PTPN12: variants seen among roughly 807,000 people sequenced by gnomAD.
The protein encoded by PTPN12 is protein tyrosine phosphatase non-receptor type 12, also known as tyrosine-protein phosphatase non-receptor type 12.
PTPN12 carries 29 observed loss-of-function variants against 97.6 expected under a neutral mutation model. That is an observed-to-expected ratio of 0.30 (90% CI 0.22 to 0.41). PTPN12 has a LOEUF of 0.41. Among genes scored for constraint, PTPN12 ranks in the 10% least tolerant of loss-of-function variants. The pLI, the probability that PTPN12 is intolerant of heterozygous loss-of-function variation, is 1.00. For synonymous variants in PTPN12, 327 were observed against 300.4 expected, an observed-to-expected ratio of 1.09 and a Z score of -0.91; for missense variants, 819 against 926.0, an observed-to-expected ratio of 0.88 and a Z score of 1.50.
At chr7:77,582,158 T>C (rs911450982) in intron 3 of PTPN12, among the ~76,000 whole-genome samples, 2 of 136,704 alleles carry the variant, frequency 1.5e-5, no homozygotes, top group Non-Finnish European at 3.1e-5. Flanking sequence ...GCAGTGGCGC[T>C]ATCTCGGCTC....
intron 13 of PTPN12, among the ~76,000 whole-genome samples, chr7:77,629,497 A>G (rs944082404): frequency 4.6e-5 from 7 of 152,046 alleles, no homozygotes; most frequent in African/African-American, 1.7e-4. Flanking sequence ...TATATCAAGC[A>G]TGTGGTATTG....
intron 1 of PTPN12, among the ~76,000 whole-genome samples, chr7:77,541,015 G>T (rs116022956): frequency 1.3e-5 from 2 of 152,060 alleles, no homozygotes; most frequent in Non-Finnish European, 2.9e-5. Flanking sequence ...TGCTCTTTTC[G>T]CTCTATCCAG....
intron 1 of PTPN12, among the ~76,000 whole-genome samples, chr7:77,561,232 G>T (rs560146809): frequency 3.2e-4 from 48 of 152,192 alleles, no homozygotes; most frequent in African/African-American, 1.1e-3. Context: ...GCCTATTTTG[G>T]TTTTTTGATA....
At chr7:77,621,065 T>C in intron 12 of PTPN12, among the ~76,000 whole-genome samples, 1 of 151,902 alleles carries the variant, frequency 6.6e-6, no homozygotes. Context: ...TATATATATA[T>C]ATATAAAAAT....
intron 14 of PTPN12, among the ~76,000 whole-genome samples, chr7:77,632,935 C>T (rs1012853707): frequency 6.6e-6 from 1 of 151,904 alleles, no homozygotes; most frequent in African/African-American, 2.4e-5. Context: ...CCAGCCTGGG[C>T]GAAGAGCAAG....
chr7:77,541,212 C>G (rs895361794), intron 1 of PTPN12, among the ~76,000 whole-genome samples: 3 of 152,190 alleles, frequency 2.0e-5, no homozygotes, highest in Non-Finnish European at 4.4e-5. Flanking sequence ...CCACTTCAGC[C>G]TCCAGAGTAG....
chr7:77,612,713 A>T (rs1245568697), intron 11 of PTPN12, among the ~76,000 whole-genome samples: 1 of 151,394 alleles, frequency 6.6e-6, no homozygotes, highest in Non-Finnish European at 1.5e-5. Flanking sequence ...CTAGGATTAC[A>T]GGCATGAGCC....
intron 1 of PTPN12, among the ~76,000 whole-genome samples, chr7:77,542,827 A>G (rs1807043947): frequency 5.3e-5 from 8 of 152,214 alleles, no homozygotes. Flanking sequence ...TGAGACATCC[A>G]GTAGAAATGT....
Position 77,625,522 on chromosome 7 carries a change from T to A in PTPN12, c.1026-1183T>A, listed in dbSNP as rs868098443. ...CTCTCTCTCTCTCTCTCTCTCTCTC[T>A]CACTCTCACTCTCACTCGCGCTCTC... On this transcript the variant is annotated intron_variant, in intron 12 of 17. Coordinates refer to ENST00000248594, the MANE Select transcript of PTPN12 (RefSeq NM_002835.4). 8.7e-4 allele frequency among the ~76,000 whole-genome samples: 39 copies of A among 44,780 alleles called. 4 individuals carry two copies. The highest frequency in any genetic ancestry group is 2.0e-3 in the South Asian group (2 of 1,016). 29.4% of individuals were successfully genotyped at this position (44,780 alleles called of 152,430 possible). A position where few individuals can be genotyped will look rare whatever the true frequency, so the allele number is the denominator to read the frequency against.
In PTPN12 at chr7:77,537,614, A is replaced by C. The variant is rs150099265; in HGVS notation, c.68A>C (p.Asn23Thr). Residue 23 changes from asparagine (N) to threonine (T), a missense_variant, in exon 1 of 18, where the codon AAT becomes ACT. Coordinates refer to ENST00000248594, the MANE Select transcript of PTPN12 (RefSeq NM_002835.4). The stretch of plus-strand genomic sequence containing the variant: ...CAGGCCATGAAGAGTCCTGACCACA[A>C]TGGGGAGGACAACTTCGCCCGGGAC... ...RVQAMKSPDH[N>T]GEDNFARDFM... The C allele has an allele frequency of 6.5e-4, 1,046 of 1,604,028 alleles. 4 individuals are homozygous for C. The highest frequency in any genetic ancestry group is 8.1e-4 in the Non-Finnish European group (953 of 1,176,076).
chr7:77,610,730 T>TA, intron 9 of PTPN12, 35 bp from the exon 10 acceptor site: 2 of 1,542,506 alleles, frequency 1.3e-6, no homozygotes, highest in Non-Finnish European at 1.8e-6. Context: ...TCTGAATAGA[T>TA]ACACAAAGTT....
intron 5 of PTPN12, among the ~76,000 whole-genome samples, chr7:77,587,207 G>A (rs1188733661): frequency 6.6e-6 from 1 of 152,016 alleles, no homozygotes; most frequent in African/African-American, 2.4e-5. Flanking sequence ...GGCAGCTTTA[G>A]CTTTACAAAA....
intron 14 of PTPN12, among the ~76,000 whole-genome samples, chr7:77,634,628 A>G (rs1172941367): frequency 6.6e-6 from 1 of 151,204 alleles, no homozygotes; most frequent in African/African-American, 2.4e-5. Context: ...TTTTTTTAGT[A>G]GAGACAGGGT....
At chr7:77,570,444 G>C (rs1421761726) in intron 1 of PTPN12, among the ~76,000 whole-genome samples, 1 of 152,216 alleles carries the variant, frequency 6.6e-6, no homozygotes, top group African/African-American at 2.4e-5. Context: ...CTGACTTTCA[G>C]TGCTTCTGAA....
chr7:77,627,529 T>C lies in PTPN12; in HGVS notation c.1850T>C (p.Val617Ala), dbSNP rs760542114. The change falls in exon 13 of 18, where the codon GTG becomes GCG. Residue 617 changes from valine to alanine, a missense_variant. By Grantham distance (64) the Val-to-Ala change is moderately conservative. Around this residue, in one of 5 missense-constraint regions of PTPN12, gnomAD observed 607 missense variants for 577.3 expected, o/e 1.05. Transcript: ENST00000248594. The part of the protein sequence containing the change: ...DSDERNSDGA[V>A]TQNKTNISTA... ...GATGAAAGAAACTCTGATGGTGCTGTGACCCAGAATAAAACTAATATTTCA... is the reference window on the plus strand; with the variant it reads ...GATGAAAGAAACTCTGATGGTGCTGCGACCCAGAATAAAACTAATATTTCA... 6.2e-7 allele frequency: 1 copy of C among 1,614,050 alleles called. No homozygotes were observed. Among genetic ancestry groups the C allele is most frequent in the Non-Finnish European group, 8.5e-7 (1 of 1,180,022 alleles).
chr7:77,594,132 G>A (rs988059738), intron 6 of PTPN12, among the ~76,000 whole-genome samples: 1 of 152,080 alleles, frequency 6.6e-6, no homozygotes, highest in African/African-American at 2.4e-5. Flanking sequence ...ATATTCTTAA[G>A]GTGCTGATTA....
intron 12 of PTPN12, among the ~76,000 whole-genome samples, chr7:77,619,846 A>G (rs930936567): frequency 3.9e-5 from 6 of 152,170 alleles, no homozygotes; most frequent in East Asian, 1.9e-4. Context: ...AAGCCTATAT[A>G]TAGATGAGGT....
chr7:77,638,601 A>G lies in PTPN12; in HGVS notation c.2174-23A>G, dbSNP rs117480324. 1.0e-2 allele frequency: 15,454 copies of G among 1,553,094 alleles called. 98 individuals are homozygous for G. Among genetic ancestry groups the G allele is most frequent in the Non-Finnish European group, 0.012 (14,397 of 1,157,344 alleles). On this transcript the variant is annotated intron_variant, in intron 16 of 17. Coordinates refer to ENST00000248594, the MANE Select transcript of PTPN12 (RefSeq NM_002835.4). The stretch of plus-strand genomic sequence containing the variant: ...GATGCTACAAAGGATGGTGATTAAC[A>G]AAGGCTTTGTGTTGCTACTTAGATC...
intron 13 of PTPN12, among the ~76,000 whole-genome samples, chr7:77,629,270 T>G (rs1427086074): frequency 6.6e-6 from 1 of 152,228 alleles, no homozygotes; most frequent in Non-Finnish European, 1.5e-5. Context: ...TTAAACTATT[T>G]GCTTAAATTA....
Sources: allele counts gnomAD v4.1 joint callset (sites outside exome capture counted in the v4.1 genomes callset), GRCh38; gene constraint gnomAD v4.1.1; regional missense constraint gnomAD v4.1.1; transcripts MANE v1.5; gene names NCBI Gene and HGNC (gene_info 2026-07-23, HGNC 2026-07-21).